NSUN6: variants seen among roughly 807,000 people sequenced by gnomAD.
NSUN6 encodes the protein tRNA (cytosine(72)-C(5))-methyltransferase NSUN6.
Under a neutral mutation model 58.0 loss-of-function variants are expected in NSUN6, and 64 were observed. The ratio of observed to expected loss-of-function variants is 1.10; its 90% CI spans 0.90 to 1.36. The LOEUF (loss-of-function observed/expected upper bound fraction) is 1.36, where lower values mean the gene tolerates loss of function less well. Among genes scored for constraint, NSUN6 ranks in the 40% most tolerant of loss-of-function variants. The pLI is 0.00. For missense variants in NSUN6, 701 were observed against 550.1 expected (o/e 1.27, Z -2.74); for synonymous variants, 231 against 193.9 (o/e 1.19, Z -1.59).
intron 8 of NSUN6, 28 bp from the exon 9 acceptor site, chr10:18,551,999 C>T (rs115353601): frequency 9.7e-6 from 14 of 1,443,710 alleles, no homozygotes; most frequent in Non-Finnish European, 1.3e-5. Context: ...ATCATGTTTA[C>T]TATCTTCCAT....
At chr10:18,589,609 T>C (rs974373529) in intron 7 of NSUN6, among the ~76,000 whole-genome samples, 4 of 152,170 alleles carry the variant, frequency 2.6e-5, no homozygotes, top group Non-Finnish European at 5.9e-5. Flanking sequence ...ATATTCAACA[T>C]TCTTAAATAA....
At chr10:18,584,070 T>A (rs1431458254) in intron 8 of NSUN6, among the ~76,000 whole-genome samples, 1 of 152,172 alleles carries the variant, frequency 6.6e-6, no homozygotes, top group Non-Finnish European at 1.5e-5. Flanking sequence ...CAAACCATAC[T>A]GGCCAGCGAA....
chr10:18,583,497 T>C (rs922979256), intron 8 of NSUN6, among the ~76,000 whole-genome samples: 6 of 152,098 alleles, frequency 3.9e-5, no homozygotes, highest in Admixed American at 2.0e-4. Context: ...ATGTGACCCA[T>C]TGGTAGGGGA....
intron 9 of NSUN6, among the ~76,000 whole-genome samples, chr10:18,549,248 T>G (rs1366221899): frequency 6.6e-6 from 1 of 152,184 alleles, no homozygotes; most frequent in Non-Finnish European, 1.5e-5. Flanking sequence ...TCTGACCTCC[T>G]CCTGTACACC....
At chr10:18,618,296 T>G (rs541750168) in intron 3 of NSUN6, among the ~76,000 whole-genome samples, 1 of 152,314 alleles carries the variant, frequency 6.6e-6, no homozygotes, top group South Asian at 2.1e-4. Context: ...CTTCTTAAAT[T>G]TTTCATCAGT....
intron 1 of NSUN6, among the ~76,000 whole-genome samples, chr10:18,649,359 G>A (rs1365145376): frequency 6.6e-6 from 1 of 152,076 alleles, no homozygotes; most frequent in Non-Finnish European, 1.5e-5. Context: ...CCACTTGTTA[G>A]CCTACTCATG....
intron 8 of NSUN6, among the ~76,000 whole-genome samples, chr10:18,561,741 G>C (rs1285756091): frequency 3.4e-5 from 5 of 148,688 alleles, no homozygotes; most frequent in Non-Finnish European, 5.9e-5. Flanking sequence ...ATATGGAATA[G>C]AATGGAGAAA....
At chr10:18,568,358 G>A (rs1014942162) in intron 8 of NSUN6, among the ~76,000 whole-genome samples, 2 of 138,994 alleles carry the variant, frequency 1.4e-5, no homozygotes, top group African/African-American at 2.7e-5. Context: ...CTGCATTCTC[G>A]ATTCCATTCC....
At chr10:18,649,006 C>G (rs2059628655) in intron 1 of NSUN6, among the ~76,000 whole-genome samples, 2 of 152,134 alleles carry the variant, frequency 1.3e-5, no homozygotes, top group Admixed American at 1.3e-4. Flanking sequence ...CTCTGTAGAG[C>G]TAGCATTATA....
intron 8 of NSUN6, among the ~76,000 whole-genome samples, chr10:18,584,630 G>A (rs2057046030): frequency 6.6e-6 from 1 of 152,068 alleles, no homozygotes; most frequent in African/African-American, 2.4e-5. Context: ...AAAAATTATG[G>A]CTGAAAATGA....
intron 9 of NSUN6, among the ~76,000 whole-genome samples, chr10:18,548,937 G>GA (rs1336102908): frequency 6.6e-6 from 1 of 152,120 alleles, no homozygotes; most frequent in African/African-American, 2.4e-5. Flanking sequence ...ATTCTAGCCA[G>GA]AATTTGGCCA....
At chr10:18,551,032 C>CT (rs1203060060) in intron 9 of NSUN6, among the ~76,000 whole-genome samples, 1 of 152,068 alleles carries the variant, frequency 6.6e-6, no homozygotes, top group Non-Finnish European at 1.5e-5. Context: ...GCCAATAACT[C>CT]TATTTTTTTA....
intron 9 of NSUN6, among the ~76,000 whole-genome samples, chr10:18,549,577 A>T (rs558258298): frequency 6.6e-6 from 1 of 152,270 alleles, no homozygotes; most frequent in East Asian, 1.9e-4. Context: ...GAATAAGGGC[A>T]TGGAGTGTTT....
At chr10:18,632,957 G>A (rs1044617231) in intron 3 of NSUN6, among the ~76,000 whole-genome samples, 8 of 152,080 alleles carry the variant, frequency 5.3e-5, no homozygotes, top group African/African-American at 1.2e-4. Context: ...ACGTGCACCC[G>A]TATGTTTATT....
chr10:18,554,924 G>A (rs1038244140), intron 8 of NSUN6, among the ~76,000 whole-genome samples: 1 of 140,294 alleles, frequency 7.1e-6, no homozygotes, highest in South Asian at 2.4e-4. Flanking sequence ...AAACGGAATG[G>A]AATCAAGAAT....
chr10:18,555,194 T>C (rs1387193272), intron 8 of NSUN6, among the ~76,000 whole-genome samples: 2 of 144,894 alleles, frequency 1.4e-5, no homozygotes, highest in East Asian at 4.2e-4. Context: ...GAATGGAGAA[T>C]GGAATGGAAT....
chr10:18,641,900 C>T (rs758989180), intron 3 of NSUN6, among the ~76,000 whole-genome samples: 8 of 151,980 alleles, frequency 5.3e-5, no homozygotes, highest in Non-Finnish European at 1.2e-4. Flanking sequence ...GTGACTGTTT[C>T]TACAAAATAA....
At chr10:18,621,247 G>A (rs529276991) in intron 3 of NSUN6, among the ~76,000 whole-genome samples, 1 of 152,166 alleles carries the variant, frequency 6.6e-6, no homozygotes, top group African/African-American at 2.4e-5. Context: ...GCTCAGCACT[G>A]GGGGACTTCC....
At chr10:18,609,798 A>G in intron 6 of NSUN6, 47 bp downstream of exon 6, 1 of 978,050 alleles carries the variant, frequency 1.0e-6, no homozygotes, top group Non-Finnish European at 1.6e-6. Flanking sequence ...TAATTCACTG[A>G]TGTATGTTTC....
Sources: allele counts gnomAD v4.1 joint callset (sites outside exome capture counted in the v4.1 genomes callset), GRCh38; gene constraint gnomAD v4.1.1; transcripts MANE v1.5; gene names NCBI Gene and HGNC (gene_info 2026-07-23, HGNC 2026-07-21).